The following LTA4H variants were observed in gnomAD, a reference collection of about 807,000 sequenced individuals.
LTA4H encodes leukotriene A-4 hydrolase.
A neutral mutation model predicts 89.8 loss-of-function variants in LTA4H; 59 were observed. That is an observed-to-expected ratio of 0.66 (90% CI 0.53 to 0.82). LTA4H has a LOEUF of 0.82. LTA4H is among the 40% of genes least tolerant of loss of function. The probability of loss-of-function intolerance (pLI) is 0.00; values close to 1 mark genes in which losing one functional copy is unlikely to be tolerated. For synonymous variants in LTA4H, 227 were observed against 253.1 expected (o/e 0.90, Z 0.98); for missense variants, 617 against 727.0 (o/e 0.85, Z 1.74).
chr12:96,034,057 AAAGT>A (rs1392064855), intron 1 of LTA4H, among the ~76,000 whole-genome samples: 3 of 152,378 alleles, frequency 2.0e-5, no homozygotes, highest in South Asian at 2.1e-4. Flanking sequence ...GAAGAGTAAG[AAAGT>A]AAGTACTTAT....
At chr12:96,042,081 G>A (rs1021843375) in intron 1 of LTA4H, among the ~76,000 whole-genome samples, 8 of 147,102 alleles carry the variant, frequency 5.4e-5, no homozygotes, top group South Asian at 2.1e-4. Context: ...CCTCCTGGGC[G>A]CAAGTGATCC....
At chr12:96,002,720 A>G (rs1950124987) in intron 18 of LTA4H, among the ~76,000 whole-genome samples, 1 of 152,160 alleles carries the variant, frequency 6.6e-6, no homozygotes, top group African/African-American at 2.4e-5. Context: ...ATTTATTTCT[A>G]TTTTATCAGT....
intron 16 of LTA4H, among the ~76,000 whole-genome samples, chr12:96,004,423 G>A (rs1950163369): frequency 6.6e-6 from 1 of 152,020 alleles, no homozygotes; most frequent in African/African-American, 2.4e-5. Flanking sequence ...TTGGGAATCT[G>A]ATGAATAATG....
At chr12:96,011,804 A>T (rs1458463645) in intron 14 of LTA4H, 2 of 152,142 alleles carry the variant, frequency 1.3e-5, no homozygotes, top group Admixed American at 1.3e-4. Flanking sequence ...CTCTTCTCTC[A>T]GTTACTCCTT....
At chr12:96,010,199 C>CT (rs1225409664) in intron 14 of LTA4H, 1 of 152,170 alleles carries the variant, frequency 6.6e-6, no homozygotes, top group Non-Finnish European at 1.5e-5. Flanking sequence ...TGTCCTGAAA[C>CT]TTCCTTATTA....
intron 14 of LTA4H, chr12:96,010,157 A>G (rs1375619890): frequency 1.3e-5 from 2 of 152,206 alleles, no homozygotes; most frequent in East Asian, 3.9e-4. Context: ...ATAATAGCAA[A>G]GTAGAAAACC....
At position 96,027,530 on chromosome 12, in the gene LTA4H, T is replaced by A. The variant is rs745815395; in HGVS notation, c.325A>T (p.Thr109Ser). The A allele has an allele frequency of 4.9e-5, 78 of 1,600,474 alleles. No homozygotes were observed. The highest frequency in any genetic ancestry group is 6.6e-5 in the Non-Finnish European group (77 of 1,168,846). The stretch of plus-strand genomic sequence containing the variant: ...TGGAGAGCAGAAGATTTTGGAGAGG[T>A]CTCAAAAGAAATTTCTATAACAATT... ...QEIVIEISFE[T>S]SPKSSALQWL... is the part of the protein sequence containing the mutation. Residue 109 changes from threonine to serine, a missense_variant, in exon 3 of 19, where the codon ACC becomes TCC. This residue lies in a region of LTA4H where 155 missense variants were observed against 143.3 expected (regional missense o/e 1.08). Coordinates refer to ENST00000228740, the MANE Select transcript of LTA4H (RefSeq NM_000895.3).
At position 96,018,813 on chromosome 12, in the gene LTA4H, A is replaced by C. The variant is rs750458309; in HGVS notation, c.802T>G (p.Tyr268Asp). Residue 268 changes from tyrosine to aspartate, a missense_variant, in exon 8 of 19, where the codon TAT becomes GAT. This residue lies in a region of LTA4H where 172 missense variants were observed against 244.5 expected (regional missense o/e 0.70). Transcript: ENST00000228740. ...DLLVLPPSFP[Y>D]GGMENPCLTF... ...AGGCAAGGATTCTCCATGCCACCAT[A>C]AGGGAAGGATGGTGGCAGGACCAAT... 6.2e-7 allele frequency: 1 copy of C among 1,602,382 alleles called. No homozygotes were observed. Among genetic ancestry groups the C allele is most frequent in the Admixed American group, 1.8e-5 (1 of 57,116 alleles).
At chr12:96,020,059 A>G (rs1442306118) in intron 6 of LTA4H, among the ~76,000 whole-genome samples, 1 of 151,814 alleles carries the variant, frequency 6.6e-6, no homozygotes, top group African/African-American at 2.4e-5. Flanking sequence ...ATACACTACC[A>G]TGCCCGATTA....
rs1950391662 is a variant in LTA4H, at chr12:96,017,197, T to C, written c.877-83A>G. 1.1e-5 allele frequency: 11 copies of C among 963,702 alleles called. No homozygotes were observed. The South Asian group carries it at 1.3e-4, about 11-fold the overall frequency. 59.7% of individuals were successfully genotyped at this position (963,702 alleles called of 1,614,324 possible). On this transcript the variant is annotated intron_variant, in intron 9 of 18. Transcript: ENST00000228740. ...TTCTACTGTAAACACTCCATGTTAT[T>C]CAATTTTTAAAAAATATTAGCTGAG...
chr12:96,035,686 G>C, upstream of LTA4H: 1 of 1,414,832 alleles, frequency 7.1e-7, no homozygotes, highest in Non-Finnish European at 9.3e-7. Context: ...GTTGGGGGAT[G>C]GGTGAAGGAA....
chr12:96,021,324 T>C (rs937469944), intron 5 of LTA4H, among the ~76,000 whole-genome samples, 187 bp from the exon 6 acceptor site: 1 of 152,220 alleles, frequency 6.6e-6, no homozygotes, highest in Admixed American at 6.5e-5. Flanking sequence ...AATTGTGATA[T>C]AAAACATTGT....
upstream of LTA4H, among the ~76,000 whole-genome samples, chr12:96,039,045 G>A (rs1327772464): frequency 6.6e-6 from 1 of 151,788 alleles, no homozygotes; most frequent in Non-Finnish European, 1.5e-5. Flanking sequence ...TATCCAATGG[G>A]GAATTGAGAA....
chr12:96,018,743 G>T lies in LTA4H; in HGVS notation c.852+20C>A. Reference sequence around the variant, plus strand: ...TATTTTTGAAACGTCAATTTCAAATGAAGAAACATTTACACTTACCAGTAG... The same window carrying T: ...TATTTTTGAAACGTCAATTTCAAATTAAGAAACATTTACACTTACCAGTAG... On this transcript the variant is annotated intron_variant, in intron 8 of 18. Coordinates refer to ENST00000228740, the MANE Select transcript of LTA4H (RefSeq NM_000895.3). The T allele has an allele frequency of 1.3e-6, 2 of 1,510,434 alleles. No homozygotes were observed. Among genetic ancestry groups the T allele is most frequent in the South Asian group, 1.3e-5 (1 of 74,490 alleles). The allele number at this position is 1,510,434 out of a possible 1,614,324, so 93.6% of individuals were successfully genotyped here.
chr12:96,019,024 A>ATCCC lies in LTA4H; in HGVS notation c.712-122_712-121insGGGA. On this transcript the variant is annotated intron_variant, in intron 7 of 18. Transcript: ENST00000228740. The stretch of plus-strand genomic sequence containing the variant: ...ATGATTTTTATGTTAAATGAAAATG[A>ATCCC]TAAAAAGAATGTAGCAACTACACAT... The ATCCC allele has an allele frequency of 4.2e-6, 5 of 1,200,286 alleles. No individual in the cohort carries two copies. The South Asian group carries it at 7.7e-5, about 19-fold the overall frequency. 74.4% of individuals were successfully genotyped at this position (1,200,286 alleles called of 1,614,324 possible).
upstream of LTA4H, chr12:96,035,659 C>G (rs898735385): frequency 4.2e-6 from 6 of 1,431,050 alleles, no homozygotes; most frequent in Non-Finnish European, 9.2e-7. Flanking sequence ...AAGGAAGTTT[C>G]TTAAAGTCAG....
intron 1 of LTA4H, among the ~76,000 whole-genome samples, chr12:96,034,771 G>C (rs1950617600): frequency 6.6e-6 from 1 of 152,246 alleles, no homozygotes; most frequent in Non-Finnish European, 1.5e-5. Context: ...GAGGGAGACG[G>C]ATGGGTGGTG....
intron 15 of LTA4H, among the ~76,000 whole-genome samples, chr12:96,007,140 A>G (rs1222310292): frequency 6.6e-6 from 1 of 152,216 alleles, no homozygotes; most frequent in Non-Finnish European, 1.5e-5. Context: ...TCAGTAACTA[A>G]TATTAGTAGT....
chr12:96,006,788 A>C (rs75176123), intron 15 of LTA4H, among the ~76,000 whole-genome samples: 3 of 152,170 alleles, frequency 2.0e-5, no homozygotes, highest in Non-Finnish European at 4.4e-5. Context: ...ATATTTTTAA[A>C]TATTACATTA....
Sources: allele counts gnomAD v4.1 joint callset (sites outside exome capture counted in the v4.1 genomes callset), GRCh38; gene constraint gnomAD v4.1.1; regional missense constraint gnomAD v4.1.1; transcripts MANE v1.5; gene names NCBI Gene and HGNC (gene_info 2026-07-23, HGNC 2026-07-21).